Variants in PHACTR3 observed in about 807,000 individuals in gnomAD.
PHACTR3 encodes the protein protein phosphatase 1, regulatory subunit 123.
PHACTR3 carries 16 observed loss-of-function variants against 66.8 expected under a neutral mutation model. The ratio of observed to expected loss-of-function variants is 0.24; its 90% confidence interval spans 0.16 to 0.36. The LOEUF (loss-of-function observed/expected upper bound fraction) is 0.36, where lower values mean the gene tolerates loss of function less well. Ranked by LOEUF, PHACTR3 falls within the 10% of genes least tolerant of loss-of-function variation. The pLI is 1.00. For synonymous variants in PHACTR3, 323 were observed against 292.1 expected (o/e 1.11, Z -1.08); for missense variants, 647 against 719.9 (o/e 0.90, Z 1.16).
At chr20:59,686,626 A>T (rs2036873863) in intron 1 of PHACTR3, among the ~76,000 whole-genome samples, 1 of 149,710 alleles carries the variant, frequency 6.7e-6, no homozygotes, top group Non-Finnish European at 1.5e-5. Context: ...GATGGTTGTG[A>T]TGATTGTGAT....
At chr20:59,737,531 T>C (rs372395756) in intron 1 of PHACTR3, among the ~76,000 whole-genome samples, 19 of 67,484 alleles carry the variant, frequency 2.8e-4, no homozygotes, top group Non-Finnish European at 9.9e-4. Flanking sequence ...CGTGTATGTG[T>C]GTGCGTGCAT....
chr20:59,731,616 A>C (rs751995576), intron 1 of PHACTR3, among the ~76,000 whole-genome samples: 1 of 152,206 alleles, frequency 6.6e-6, no homozygotes, highest in Non-Finnish European at 1.5e-5. Context: ...GGTTGATACT[A>C]AACAGATGGG....
At chr20:59,837,206 C>T (rs562527614) in intron 9 of PHACTR3, among the ~76,000 whole-genome samples, 2 of 152,172 alleles carry the variant, frequency 1.3e-5, no homozygotes, top group Non-Finnish European at 2.9e-5. Flanking sequence ...AGTGTTTCTC[C>T]AATAGTTCTT....
chr20:59,602,883 C>T (rs2146327943), upstream of PHACTR3, among the ~76,000 whole-genome samples: 1 of 152,322 alleles, frequency 6.6e-6, no homozygotes, highest in East Asian at 1.9e-4. Context: ...CTTGGAGAGA[C>T]CCTGGGCCAA....
intron 1 of PHACTR3, among the ~76,000 whole-genome samples, chr20:59,645,499 C>T (rs1028847003): frequency 6.6e-6 from 1 of 152,154 alleles, no homozygotes; most frequent in African/African-American, 2.4e-5. Context: ...ACACTGCCCT[C>T]CCTGGCCTCG....
At chr20:59,754,085 G>A (rs1184618824) in intron 3 of PHACTR3, among the ~76,000 whole-genome samples, 2 of 152,274 alleles carry the variant, frequency 1.3e-5, no homozygotes, top group African/African-American at 2.4e-5. Flanking sequence ...GCAGGGCTAT[G>A]TGGAGGCTTT....
chr20:59,727,155 A>G (rs1400037886), intron 1 of PHACTR3, among the ~76,000 whole-genome samples: 1 of 152,194 alleles, frequency 6.6e-6, no homozygotes, highest in South Asian at 2.1e-4. Flanking sequence ...TGTGCTGAAC[A>G]TTTCATGTAA....
chr20:59,631,133 G>A lies in PHACTR3; in HGVS notation c.118+26001G>A, dbSNP rs539771290. On this transcript the variant is annotated intron_variant, in intron 1 of 12. Coordinates refer to ENST00000371015, the MANE Select transcript of PHACTR3 (RefSeq NM_080672.5). ...ATACTGGGAGAGAAGCCATGCTCAG[G>A]GAAGAATGCCCAGAGGCTAAAAGTC... is the stretch of plus-strand genomic sequence containing the variant. Among the ~76,000 whole-genome samples, 8 of 152,348 alleles carry A rather than the reference G, an allele frequency of 5.3e-5. 1 individual carries two copies. The South Asian group carries it at 1.7e-3, about 32-fold the overall frequency.
At chr20:59,635,157 CTT>C (rs1171337274) in intron 1 of PHACTR3, among the ~76,000 whole-genome samples, 2 of 51,600 alleles carry the variant, frequency 3.9e-5, no homozygotes, top group African/African-American at 8.4e-5. Flanking sequence ...CTTTTTCTTT[CTT>C]TCTTTCTTTC....
intron 3 of PHACTR3, among the ~76,000 whole-genome samples, chr20:59,753,937 G>C (rs1299632543): frequency 6.6e-6 from 1 of 152,182 alleles, no homozygotes; most frequent in African/African-American, 2.4e-5. Flanking sequence ...CCACTGCCAG[G>C]ATGGGACGTG....
At chr20:59,747,637 G>A (rs2039423311) in intron 2 of PHACTR3, 121 bp from the exon 3 acceptor site, 1 of 1,141,824 alleles carries the variant, frequency 8.8e-7, no homozygotes, top group Non-Finnish European at 1.3e-6. Flanking sequence ...CCCTAACCCC[G>A]AGGCGCCTGC....
intron 1 of PHACTR3, among the ~76,000 whole-genome samples, chr20:59,577,938 C>A (rs1473958469): frequency 6.6e-6 from 1 of 152,232 alleles, no homozygotes; most frequent in South Asian, 2.1e-4. Context: ...GTGCGCATGG[C>A]GTTTGACCTT....
At chr20:59,692,719 A>G (rs1337195862) in intron 1 of PHACTR3, among the ~76,000 whole-genome samples, 19 of 152,122 alleles carry the variant, frequency 1.2e-4, no homozygotes, top group Admixed American at 1.2e-3. Flanking sequence ...AGCTCTATGG[A>G]AAGAGTTGGA....
intron 1 of PHACTR3, among the ~76,000 whole-genome samples, chr20:59,599,181 G>T (rs995111175): frequency 3.9e-5 from 6 of 152,258 alleles, no homozygotes; most frequent in African/African-American, 1.4e-4. Context: ...CACTCCTGGA[G>T]CAGGGCAGTT....
At chr20:59,616,344 C>T (rs2034024521) in intron 1 of PHACTR3, among the ~76,000 whole-genome samples, 1 of 152,172 alleles carries the variant, frequency 6.6e-6, no homozygotes, top group South Asian at 2.1e-4. Context: ...AGGTTCTGAT[C>T]TGGTGCAGTT....
intron 1 of PHACTR3, among the ~76,000 whole-genome samples, chr20:59,640,500 G>A (rs1013472903): frequency 6.6e-6 from 1 of 152,190 alleles, no homozygotes; most frequent in African/African-American, 2.4e-5. Context: ...CAGAGACACT[G>A]GGGAGGGGCG....
intron 1 of PHACTR3, among the ~76,000 whole-genome samples, chr20:59,674,769 T>A (rs2036372737): frequency 1.6e-5 from 1 of 62,800 alleles, no homozygotes; most frequent in Non-Finnish European, 2.8e-5. Flanking sequence ...CTTCTCCTGT[T>A]CCCCCTCCTT....
At chr20:59,775,715 G>T (rs1048044998) in intron 7 of PHACTR3, among the ~76,000 whole-genome samples, 95 of 152,190 alleles carry the variant, frequency 6.2e-4, no homozygotes, top group African/African-American at 2.1e-3. Flanking sequence ...GCTGGAGCCT[G>T]TGGTGTTCCC....
chr20:59,669,255 A>C (rs2036107622), intron 1 of PHACTR3, among the ~76,000 whole-genome samples: 1 of 152,144 alleles, frequency 6.6e-6, no homozygotes, highest in Non-Finnish European at 1.5e-5. Context: ...GGGTTTCAGC[A>C]CTGAGGAGTT....
Sources: allele counts gnomAD v4.1 joint callset (sites outside exome capture counted in the v4.1 genomes callset), GRCh38; gene constraint gnomAD v4.1.1; transcripts MANE v1.5; gene names NCBI Gene and HGNC (gene_info 2026-07-23, HGNC 2026-07-21).